U2SURP: variants seen among roughly 807,000 people sequenced by gnomAD.
The protein encoded by U2SURP is U2 snRNP-associated SURP motif-containing protein.
Under a neutral mutation model 144.9 loss-of-function variants are expected in U2SURP, and 9 were observed. The ratio of observed to expected loss-of-function variants is 0.06; its 90% CI spans 0.04 to 0.11. The LOEUF is 0.11. Ranked by LOEUF, U2SURP falls within the 10% of genes least tolerant of loss-of-function variation. The pLI is 1.00. For missense variants in U2SURP, 724 were observed against 1,226.7 expected, an observed-to-expected ratio of 0.59 and a Z score of 6.12; for synonymous variants, 408 against 396.8, an observed-to-expected ratio of 1.03 and a Z score of -0.33.
At chr3:143,023,157 G>T in intron 12 of U2SURP, 93 bp downstream of exon 12, 1 of 1,159,144 alleles carries the variant, frequency 8.6e-7, no homozygotes, top group Non-Finnish European at 1.2e-6. Flanking sequence ...GAAAATGTGT[G>T]TGTAATTCTG....
intron 19 of U2SURP, 43 bp from the exon 20 acceptor site, chr3:143,035,939 T>A (rs548038263): frequency 6.4e-7 from 1 of 1,553,394 alleles, no homozygotes; most frequent in South Asian, 1.3e-5. Context: ...TTGAGACATA[T>A]AGCCCAAAAT....
intron 24 of U2SURP, among the ~76,000 whole-genome samples, chr3:143,050,672 T>A (rs1934809600): frequency 6.6e-6 from 1 of 152,162 alleles, no homozygotes; most frequent in Non-Finnish European, 1.5e-5. Flanking sequence ...ATACCAAATT[T>A]GTTATAATTG....
intron 22 of U2SURP, 59 bp downstream of exon 22, chr3:143,038,262 G>A: frequency 7.9e-7 from 1 of 1,264,238 alleles, no homozygotes; most frequent in South Asian, 1.5e-5. Context: ...AATTATTGGT[G>A]TGCTTGTATA....
chr3:143,017,076 G>A, intron 6 of U2SURP, 101 bp downstream of exon 6: 1 of 1,174,616 alleles, frequency 8.5e-7, no homozygotes. Context: ...GTTTTTGGTG[G>A]GGGCAGGGTG....
chr3:143,044,289 CTTT>C (rs56916268), intron 24 of U2SURP, among the ~76,000 whole-genome samples: 7 of 81,382 alleles, frequency 8.6e-5, no homozygotes, highest in Admixed American at 1.6e-4. Flanking sequence ...CTCCCCTCTC[CTTT>C]TTTTTTTTTT....
At chr3:143,022,788 C>T (rs1932913858) in intron 11 of U2SURP, 65 bp from the exon 12 acceptor site, 2 of 1,461,558 alleles carry the variant, frequency 1.4e-6, no homozygotes, top group Admixed American at 2.7e-5. Context: ...TTTCAACTCA[C>T]CAGAAAAATT....
chr3:143,011,657 C>G (rs374542766), intron 2 of U2SURP, among the ~76,000 whole-genome samples: 7 of 152,042 alleles, frequency 4.6e-5, no homozygotes, highest in South Asian at 2.1e-4. Context: ...ACTTAAAAAA[C>G]TAGCATAATT....
chr3:143,049,284 A>G (rs1484024577), intron 24 of U2SURP, among the ~76,000 whole-genome samples: 2 of 147,958 alleles, frequency 1.4e-5, no homozygotes, highest in Non-Finnish European at 3.0e-5. Flanking sequence ...AAAAAAAAAA[A>G]AAAAAAAAGA....
chr3:143,004,468 ATTC>A (rs1354811439), intron 1 of U2SURP, among the ~76,000 whole-genome samples: 2 of 139,288 alleles, frequency 1.4e-5, no homozygotes, highest in Non-Finnish European at 3.0e-5. Context: ...GGTTCAAGCA[ATTC>A]TTCTGCCTCA....
intron 24 of U2SURP, among the ~76,000 whole-genome samples, chr3:143,047,652 G>A (rs1578168320): frequency 5.7e-5 from 3 of 52,358 alleles, no homozygotes; most frequent in African/African-American, 9.7e-5. Context: ...CTCCCGGACG[G>A]GGCGGCTGGC....
chr3:143,004,294 C>T (rs1935702643), intron 1 of U2SURP, among the ~76,000 whole-genome samples: 1 of 146,320 alleles, frequency 6.8e-6, no homozygotes, highest in Non-Finnish European at 1.5e-5. Context: ...AAATTATTAA[C>T]ATTTCTTAAT....
chr3:143,027,006 C>T (rs1483518509), intron 13 of U2SURP, 143 bp from the exon 14 acceptor site: 2 of 628,802 alleles, frequency 3.2e-6, no homozygotes, highest in African/African-American at 3.7e-5. Context: ...TTAACATATG[C>T]TCCAGGTTAC....
intron 11 of U2SURP, 49 bp downstream of exon 11, chr3:143,022,711 T>G (rs972989824): frequency 6.5e-7 from 1 of 1,541,452 alleles, no homozygotes; most frequent in African/African-American, 1.4e-5. Context: ...ATTTCTTTGG[T>G]TTGGAAAAGT....
intron 6 of U2SURP, among the ~76,000 whole-genome samples, chr3:143,018,396 A>G (rs1936479325): frequency 6.6e-6 from 1 of 152,210 alleles, no homozygotes; most frequent in East Asian, 1.9e-4. Context: ...TTGTGGTTGA[A>G]TAATACTCCA....
intron 5 of U2SURP, 142 bp downstream of exon 5, chr3:143,016,513 C>G (rs2108277627): frequency 2.8e-6 from 2 of 725,130 alleles, no homozygotes; most frequent in East Asian, 5.4e-5. Context: ...TCTATCAGCA[C>G]CCTCTAGTGG....
intron 25 of U2SURP, among the ~76,000 whole-genome samples, chr3:143,051,692 C>T (rs567266794): frequency 7.4e-5 from 11 of 148,922 alleles, no homozygotes. Context: ...AACTTACAAT[C>T]ACTATAAAGC....
chr3:143,017,797 A>G (rs1936444661), intron 6 of U2SURP, among the ~76,000 whole-genome samples: 1 of 151,870 alleles, frequency 6.6e-6, no homozygotes, highest in African/African-American at 2.4e-5. Flanking sequence ...ATTTTTTGGT[A>G]TTTTTTTGTG....
intron 1 of U2SURP, among the ~76,000 whole-genome samples, chr3:143,007,700 C>T (rs918897881): frequency 6.6e-6 from 1 of 152,110 alleles, no homozygotes; most frequent in Non-Finnish European, 1.5e-5. Flanking sequence ...GCCTTGGCCT[C>T]CCAAAGTGCT....
intron 1 of U2SURP, among the ~76,000 whole-genome samples, chr3:143,004,455 C>T (rs1237624201): frequency 7.1e-6 from 1 of 140,752 alleles, no homozygotes; most frequent in Admixed American, 7.7e-5. Flanking sequence ...CCTCTGCCTC[C>T]TGGGTTCAAG....
Sources: allele counts gnomAD v4.1 joint callset (sites outside exome capture counted in the v4.1 genomes callset), GRCh38; gene constraint gnomAD v4.1.1; transcripts MANE v1.5; gene names NCBI Gene and HGNC (gene_info 2026-07-23, HGNC 2026-07-21).